AATF: variants seen among roughly 807,000 people sequenced by gnomAD.
AATF encodes apoptosis antagonizing transcription factor.
AATF carries 48 observed loss-of-function variants against 63.7 expected under a neutral mutation model. That is an observed-to-expected ratio of 0.75 (90% confidence interval 0.60 to 0.96). The LOEUF (loss-of-function observed/expected upper bound fraction) is 0.96, where lower values mean the gene tolerates loss of function less well. Among genes scored for constraint, AATF ranks in the 40% least tolerant of loss-of-function variants. AATF has a pLI of 0.00. For missense variants in AATF, 639 were observed against 685.7 expected (o/e 0.93, Z 0.76); for synonymous variants, 258 against 247.7 (o/e 1.04, Z -0.39).
chr17:36,956,537 G>A (rs946813440), intron 4 of AATF, among the ~76,000 whole-genome samples: 1 of 152,144 alleles, frequency 6.6e-6, no homozygotes, highest in African/African-American at 2.4e-5. Context: ...GCCAAGTGTG[G>A]TGGCAGGTGC....
At chr17:36,956,167 A>G (rs1376878903) in intron 4 of AATF, among the ~76,000 whole-genome samples, 1 of 152,140 alleles carries the variant, frequency 6.6e-6, no homozygotes, top group African/African-American at 2.4e-5. Context: ...TCATTGATGA[A>G]CCTCAATTAA....
chr17:37,046,105 CTG>C (rs1256961613), intron 11 of AATF: 2 of 151,884 alleles, frequency 1.3e-5, no homozygotes, highest in African/African-American at 4.8e-5. Flanking sequence ...GTATCGATAT[CTG>C]TAATTTTGTC....
chr17:37,031,358 T>TAAA, intron 10 of AATF: 1 of 514,042 alleles, frequency 1.9e-6, no homozygotes. Context: ...TATGCCATTT[T>TAAA]ATATAAGGAA....
chr17:37,002,980 T>C (rs747521626), intron 8 of AATF, among the ~76,000 whole-genome samples: 10 of 121,868 alleles, frequency 8.2e-5, no homozygotes, highest in Non-Finnish European at 1.5e-4. Flanking sequence ...GGACCCAAAA[T>C]AGCCAAAATT....
chr17:36,974,221 A>C (rs1026963622), intron 4 of AATF, among the ~76,000 whole-genome samples: 1 of 152,234 alleles, frequency 6.6e-6, no homozygotes, highest in African/African-American at 2.4e-5. Flanking sequence ...CTATGTACTT[A>C]GAACAAAAAT....
chr17:36,953,898 C>T lies in AATF; in HGVS notation c.823C>T (p.Leu275=). The stretch of plus-strand genomic sequence containing the variant: ...AGGTGGCCCAGAATTTTCCAGTGCC[C>T]TGAAAAATAGTAAGAATACTTATGT... ...DKGGPEFSSA[L]KNSHKALKAL... Residue 275 remains leucine, a synonymous_variant, in exon 4 of 12, where the codon CTG becomes TTG. Transcript: ENST00000619387. The T allele has an allele frequency of 6.2e-7, 1 of 1,613,148 alleles. No individual in the cohort carries two copies. Among genetic ancestry groups the T allele is most frequent in the Non-Finnish European group, 8.5e-7 (1 of 1,179,758 alleles).
chr17:36,949,622 A>C (rs1224634002), intron 1 of AATF, among the ~76,000 whole-genome samples: 3 of 152,252 alleles, frequency 2.0e-5, no homozygotes, highest in Admixed American at 2.0e-4. Flanking sequence ...TTCAAAACTA[A>C]GTTGGAGACT....
Position 37,020,968 on chromosome 17 carries a change from A to G in AATF, c.1501A>G (p.Ile501Val). The change falls in exon 10 of 12, where the codon ATC becomes GTC. Residue 501 changes from isoleucine to valine, a missense_variant. Physicochemically the swap from Ile to Val is conservative, Grantham distance 29. Transcript: ENST00000619387. Reference sequence around the variant, plus strand: ...TGCAATCCAGAAGTTACGAAGCAAAATCCACAAAAAAGTAGATAGGAAAGC... The same window carrying G: ...TGCAATCCAGAAGTTACGAAGCAAAGTCCACAAAAAAGTAGATAGGAAAGC... ...WLAIQKLRSKIHKKVDRKASK... is the reference protein window; with the variant it reads ...WLAIQKLRSKVHKKVDRKASK... 6.2e-7 allele frequency: 1 copy of G among 1,611,958 alleles called. No homozygotes were observed. Among genetic ancestry groups the G allele is most frequent in the Non-Finnish European group, 8.5e-7 (1 of 1,179,006 alleles).
intron 8 of AATF, among the ~76,000 whole-genome samples, chr17:37,014,219 G>A (rs553606862): frequency 6.6e-6 from 1 of 151,822 alleles, no homozygotes; most frequent in African/African-American, 2.4e-5. Context: ...AATGCGCTGA[G>A]ATTGCACCAC....
At chr17:36,967,912 A>G (rs1381390561) in intron 4 of AATF, among the ~76,000 whole-genome samples, 2 of 148,000 alleles carry the variant, frequency 1.4e-5, no homozygotes, top group African/African-American at 2.5e-5. Context: ...CTTTGTCCAC[A>G]GAATTCTGAA....
At chr17:36,967,551 T>G (rs1034110344) in intron 4 of AATF, among the ~76,000 whole-genome samples, 1 of 152,194 alleles carries the variant, frequency 6.6e-6, no homozygotes. Flanking sequence ...CCTTCTCAGG[T>G]GTCCAGCTGT....
At chr17:36,977,233 G>A (rs2071086201) in intron 4 of AATF, among the ~76,000 whole-genome samples, 1 of 152,208 alleles carries the variant, frequency 6.6e-6, no homozygotes, top group Non-Finnish European at 1.5e-5. Flanking sequence ...TGTGTTGGAT[G>A]CTGGATGACA....
chr17:37,030,906 GA>G (rs2071547019), intron 10 of AATF, among the ~76,000 whole-genome samples: 1 of 152,138 alleles, frequency 6.6e-6, no homozygotes, highest in African/African-American at 2.4e-5. Flanking sequence ...ATATGTAGAG[GA>G]AGAAAATGAG....
chr17:36,956,294 T>C (rs1392489864), intron 4 of AATF, among the ~76,000 whole-genome samples: 2 of 152,248 alleles, frequency 1.3e-5, no homozygotes, highest in Non-Finnish European at 2.9e-5. Flanking sequence ...TAATGAGCTG[T>C]GCATTTGAAG....
rs1397955957 is a variant in AATF, at chr17:37,056,722, T to G, written c.*58T>G. 3.2e-6 allele frequency: 5 copies of G among 1,567,986 alleles called. No homozygotes were observed. Among genetic ancestry groups the G allele is most frequent in the Non-Finnish European group, 4.4e-6 (5 of 1,139,186 alleles). On this transcript the variant is annotated 3_prime_UTR_variant, in exon 12 of 12. Transcript: ENST00000619387. ...TGGCTGGTGCGGCTGCTGGTCCAGA[T>G]GGAGGAAACCAGTGACTTTATGGGG...
intron 1 of AATF, among the ~76,000 whole-genome samples, chr17:36,949,552 T>C (rs2142196387): frequency 1.3e-5 from 2 of 152,356 alleles, no homozygotes; most frequent in South Asian, 4.1e-4. Context: ...AGGATGCCCT[T>C]TCTGGTATTG....
At chr17:36,965,121 T>C (rs1567967077) in intron 4 of AATF, among the ~76,000 whole-genome samples, 1 of 152,234 alleles carries the variant, frequency 6.6e-6, no homozygotes, top group South Asian at 2.1e-4. Context: ...AAGTATTGCC[T>C]GTTACTGGTT....
intron 4 of AATF, among the ~76,000 whole-genome samples, chr17:36,964,170 CTTTTTTT>C: frequency 9.9e-6 from 1 of 101,390 alleles, no homozygotes; most frequent in African/African-American, 4.0e-5. Flanking sequence ...GGGTGTTTTG[CTTTTTTT>C]TTTTTTTTTT....
At chr17:37,041,363 T>C (rs962597232) in intron 11 of AATF, among the ~76,000 whole-genome samples, 1 of 152,200 alleles carries the variant, frequency 6.6e-6, no homozygotes, top group African/African-American at 2.4e-5. Flanking sequence ...GTTCTAGGTT[T>C]TGCTGTGTCT....
Sources: allele counts gnomAD v4.1 joint callset (sites outside exome capture counted in the v4.1 genomes callset), GRCh38; gene constraint gnomAD v4.1.1; transcripts MANE v1.5; gene names NCBI Gene and HGNC (gene_info 2026-07-23, HGNC 2026-07-21).